The following ALDH3A2 variants were observed in gnomAD, a reference collection of about 807,000 sequenced individuals.
ALDH3A2 encodes aldehyde dehydrogenase 3 family member A2.
Under a neutral mutation model 51.3 loss-of-function variants are expected in ALDH3A2, and 36 were observed. The observed-to-expected ratio is 0.70, with a 90% CI of 0.54 to 0.93. ALDH3A2 has a LOEUF of 0.93. ALDH3A2 is among the 40% of genes least tolerant of loss of function. The probability of loss-of-function intolerance (pLI) is 0.00; values close to 1 mark genes in which losing one functional copy is unlikely to be tolerated. For missense variants in ALDH3A2, 552 were observed against 603.1 expected (o/e 0.92, Z 0.89); for synonymous variants, 199 against 219.8 (o/e 0.91, Z 0.84).
chr17:19,672,282 T>C, intron 9 of ALDH3A2: 1 of 385,262 alleles, frequency 2.6e-6, no homozygotes. Context: ...TAGAACTTGA[T>C]TGCAGAATTC....
Position 19,649,109 on chromosome 17 carries a change from C to T in ALDH3A2, c.138C>T (p.Ala46=), listed in dbSNP as rs1208121428. The T allele has an allele frequency of 6.3e-7, 1 of 1,574,856 alleles. No individual in the cohort carries two copies. The highest frequency in any genetic ancestry group is 8.6e-7 in the Non-Finnish European group (1 of 1,160,564). The part of the protein sequence containing the change: ...EREKDILTAI[A]ADLCKSEFNV... ...AGAAGGATATCCTGACGGCCATCGC[C>T]GCCGACCTGTGCAAGGTACGCACGC... is the stretch of plus-strand genomic sequence containing the variant. Residue 46 remains alanine, a synonymous_variant, in exon 1 of 10, where the codon GCC becomes GCT. Transcript: ENST00000176643.
intron 7 of ALDH3A2, among the ~76,000 whole-genome samples, chr17:19,664,273 A>C (rs2152330934): frequency 6.6e-6 from 1 of 152,340 alleles, no homozygotes; most frequent in Non-Finnish European, 1.5e-5. Context: ...GGAACCCTGA[A>C]GCCGAAAGTA....
At chr17:19,669,947 C>T (rs537867344) in intron 8 of ALDH3A2, among the ~76,000 whole-genome samples, 4 of 152,186 alleles carry the variant, frequency 2.6e-5, no homozygotes, top group African/African-American at 7.2e-5. Context: ...GTCAAATGCA[C>T]GCATTTTAGA....
chr17:19,661,033 C>A, intron 5 of ALDH3A2, 94 bp from the exon 6 acceptor site: 1 of 1,237,836 alleles, frequency 8.1e-7, no homozygotes, highest in Non-Finnish European at 1.2e-6. Flanking sequence ...GGATATAAAA[C>A]CAGATTGATT....
rs145431941 is a variant in ALDH3A2, at chr17:19,656,424, G to A, written c.530G>A (p.Arg177Gln). ...VEETTELLKQ[R>Q]FDHIFYTGNT... is the part of the protein sequence containing the mutation. ...GAAACCACGGAGCTCCTGAAGCAGCGATTTGACCACATTTTCTATACGGGA... is the reference window on the plus strand; with the variant it reads ...GAAACCACGGAGCTCCTGAAGCAGCAATTTGACCACATTTTCTATACGGGA... Residue 177 changes from arginine (R) to glutamine (Q), a missense_variant, in exon 4 of 10, where the codon CGA becomes CAA. By Grantham distance (43) the Arg-to-Gln change is conservative (BLOSUM62 1). Transcript: ENST00000176643. 42 of 1,614,138 alleles carry A rather than the reference G, an allele frequency of 2.6e-5. No individual in the cohort carries two copies. The African/African-American group carries it at 2.9e-4, about 11-fold the overall frequency.
Position 19,651,528 on chromosome 17 carries a change from TG to T in ALDH3A2, c.154-18del. ...ATCATACTTACTCTGCAAGATTAACTGTGATTCTCTTATAACAGAGTGAATT... is the reference window on the plus strand; with the variant it reads ...ATCATACTTACTCTGCAAGATTAACTTGATTCTCTTATAACAGAGTGAATT... On this transcript the variant is annotated intron_variant, in intron 1 of 9. Coordinates refer to ENST00000176643, the MANE Select transcript of ALDH3A2 (RefSeq NM_000382.3). 1 of 1,588,840 alleles carries T rather than the reference TG, an allele frequency of 6.3e-7. No individual in the cohort carries two copies. The highest frequency in any genetic ancestry group is 8.6e-7 in the Non-Finnish European group (1 of 1,157,166).
chr17:19,662,630 T>C (rs1034797658), intron 6 of ALDH3A2, among the ~76,000 whole-genome samples: 1 of 152,214 alleles, frequency 6.6e-6, no homozygotes, highest in African/African-American at 2.4e-5. Flanking sequence ...GATGGAACAG[T>C]GGACTAAGGT....
rs2084814394 is a variant in ALDH3A2 at position 19,651,542 on chromosome 17, AAC to A, written c.154-3_154-2del. On this transcript the variant is annotated splice_polypyrimidine_tract_variant and splice_region_variant and intron_variant, in intron 1 of 9. Transcript: ENST00000176643. The stretch of plus-strand genomic sequence containing the variant: ...GCAAGATTAACTGTGATTCTCTTAT[AAC>A]AGAGTGAATTCAATGTGTACAGTCA... 6.2e-7 allele frequency: 1 copy of A among 1,606,274 alleles called. No individual in the cohort carries two copies. The highest frequency in any genetic ancestry group is 1.3e-5 in the African/African-American group (1 of 74,732).
In ALDH3A2 at chr17:19,651,655, G is replaced by A. The variant is rs549998810; in HGVS notation, c.262G>A (p.Val88Met). ...TACTGCTAAACCAGTTAAGAAGAACGTGCTCACCATGCTGGATGAGGCCTA... is the reference window on the plus strand; with the variant it reads ...TACTGCTAAACCAGTTAAGAAGAACATGCTCACCATGCTGGATGAGGCCTA... ...WVTAKPVKKN[V>M]LTMLDEAYIQ... The change falls in exon 2 of 10, where the codon GTG (valine) becomes ATG (methionine). Residue 88 changes from valine to methionine, a missense_variant. By Grantham distance (21) the Val-to-Met change is conservative. Transcript: ENST00000176643. 3.9e-5 allele frequency: 63 copies of A among 1,614,166 alleles called. No homozygotes were observed. In the South Asian group the frequency reaches 6.0e-4, roughly 15 times the overall value.
chr17:19,657,768 T>C lies in ALDH3A2; in HGVS notation c.704T>C (p.Met235Thr). The C allele has an allele frequency of 1.2e-6, 2 of 1,613,884 alleles. No individual in the cohort carries two copies. The highest frequency in any genetic ancestry group is 1.7e-6 in the Non-Finnish European group (2 of 1,179,778). ...AGACGCATAACCTGGGGAAAATACA[T>C]GAATTGTGGCCAAACCTGCATTGCA... ...VCRRITWGKY[M>T]NCGQTCIAPD... is the part of the protein sequence containing the mutation. The change falls in exon 5 of 10, where the codon ATG (methionine) becomes ACG (threonine). Residue 235 changes from methionine to threonine, a missense_variant. Physicochemically the swap from Met to Thr is moderately conservative, Grantham distance 81. Coordinates refer to ENST00000176643, the MANE Select transcript of ALDH3A2 (RefSeq NM_000382.3).
rs540050060 is a variant in ALDH3A2, at chr17:19,661,356, A to G, written c.940+88A>G. 28 of 1,444,596 alleles carry G rather than the reference A, an allele frequency of 1.9e-5. No homozygotes were observed. The African/African-American group carries it at 3.8e-4, about 20-fold the overall frequency. 89.5% of individuals were successfully genotyped at this position (1,444,596 alleles called of 1,614,324 possible). On this transcript the variant is annotated intron_variant, in intron 6 of 9. Coordinates refer to ENST00000176643, the MANE Select transcript of ALDH3A2 (RefSeq NM_000382.3). ...TTATTAACACTAGATAAACTATTAA[A>G]TATATAGCATTTAATTGTTAAAGTA...
chr17:19,672,245 T>C (rs567544619), intron 9 of ALDH3A2: 77 of 483,848 alleles, frequency 1.6e-4, no homozygotes, highest in African/African-American at 1.4e-3. Context: ...AGTTTGCTGA[T>C]CTCTGGTCTA....
rs2084866992 is a variant in ALDH3A2 at position 19,654,506 on chromosome 17, G to A, written c.472-1860G>A. Among the ~76,000 whole-genome samples the A allele has an allele frequency of 6.6e-6, 1 of 152,188 alleles. No individual in the cohort carries two copies. ...CGGCGAGAATTCGAGTGTGGCGCTGGTGGGCTGGCATTGCTGGGGGACCCG... is the reference window on the plus strand; with the variant it reads ...CGGCGAGAATTCGAGTGTGGCGCTGATGGGCTGGCATTGCTGGGGGACCCG... On this transcript the variant is annotated intron_variant, in intron 3 of 9. Coordinates refer to ENST00000176643, the MANE Select transcript of ALDH3A2 (RefSeq NM_000382.3). This position sits in a 1 kb window ranked among gnomAD's most constrained non-coding sequence, Gnocchi z 4.5.
Position 19,665,010 on chromosome 17 carries a change from G to A in ALDH3A2, c.1170G>A (p.Met390Ile). The A allele has an allele frequency of 6.2e-7, 1 of 1,614,050 alleles. No homozygotes were observed. The highest frequency in any genetic ancestry group is 8.5e-7 in the Non-Finnish European group (1 of 1,179,970). ...SGGVTGNDVI[M>I]HFTLNSFPFG... is the part of the protein sequence containing the mutation. The stretch of plus-strand genomic sequence containing the variant: ...GTGTCACAGGCAATGACGTCATTAT[G>A]CACTTCACGCTCAACTCTTTCCCAT... Residue 390 changes from methionine to isoleucine, a missense_variant, in exon 8 of 10, where the codon ATG (methionine) becomes ATA (isoleucine). Met to Ile is a conservative substitution (Grantham distance 10, BLOSUM62 1). Coordinates refer to ENST00000176643, the MANE Select transcript of ALDH3A2 (RefSeq NM_000382.3).
At chr17:19,674,300 A>G (rs1156337823) in intron 9 of ALDH3A2, 1 of 152,088 alleles carries the variant, frequency 6.6e-6, no homozygotes, top group African/African-American at 2.4e-5. Flanking sequence ...AGAATATTTT[A>G]GCCTCATGGA....
In ALDH3A2 at chr17:19,675,861, G is replaced by A. The variant is rs1050276258; in HGVS notation, c.*289G>A. On this transcript the variant is annotated 3_prime_UTR_variant, in exon 10 of 10. Coordinates refer to ENST00000176643, the MANE Select transcript of ALDH3A2 (RefSeq NM_000382.3). ...ATGTATTAGACTAAATACAAACTGCGGGGTTGTAAGGGAGTCTCAGAACCT... is the reference window on the plus strand; with the variant it reads ...ATGTATTAGACTAAATACAAACTGCAGGGTTGTAAGGGAGTCTCAGAACCT... 3.2e-5 allele frequency: 14 copies of A among 443,044 alleles called. No homozygotes were observed. Among genetic ancestry groups the A allele is most frequent in the Non-Finnish European group, 5.4e-5 (13 of 241,020 alleles). The allele number at this position is 443,044 out of a possible 1,614,324, so 27.4% of individuals were successfully genotyped here.
chr17:19,653,047 CTT>C (rs541991059), intron 3 of ALDH3A2, among the ~76,000 whole-genome samples: 9 of 141,348 alleles, frequency 6.4e-5, no homozygotes, highest in African/African-American at 1.0e-4. Flanking sequence ...TATAAGAGTA[CTT>C]TTTTTTTTTT....
intron 6 of ALDH3A2, among the ~76,000 whole-genome samples, chr17:19,662,937 G>A (rs1048242043): frequency 4.6e-5 from 7 of 152,014 alleles, no homozygotes; most frequent in Non-Finnish European, 1.0e-4. Context: ...CTCCAGAGGC[G>A]GAGGTTGCAG....
At position 19,654,484 on chromosome 17, in the gene ALDH3A2, C is replaced by T. The variant is rs939180307; in HGVS notation, c.471+1852C>T. Among the ~76,000 whole-genome samples, 82 of 152,158 alleles carry T rather than the reference C, an allele frequency of 5.4e-4. No homozygotes were observed. The highest frequency in any genetic ancestry group is 1.8e-3 in the African/African-American group (74 of 41,442). On this transcript the variant is annotated intron_variant, in intron 3 of 9. Transcript: ENST00000176643. This position sits in a 1 kb window ranked among gnomAD's most constrained non-coding sequence, Gnocchi z 4.5. ...CTGCGGGGAGGTGGCTGAGGCCCGGCGAGAATTCGAGTGTGGCGCTGGTGG... is the reference window on the plus strand; with the variant it reads ...CTGCGGGGAGGTGGCTGAGGCCCGGTGAGAATTCGAGTGTGGCGCTGGTGG...
Sources: allele counts gnomAD v4.1 joint callset (sites outside exome capture counted in the v4.1 genomes callset), GRCh38; gene constraint gnomAD v4.1.1; non-coding constraint Gnocchi (gnomAD v3.1); transcripts MANE v1.5; gene names NCBI Gene and HGNC (gene_info 2026-07-23, HGNC 2026-07-21).